Variants in CDH13 observed in about 807,000 individuals in gnomAD.
CDH13 encodes cadherin-13.
In CDH13, 24 loss-of-function variants were observed where a neutral mutation model predicts 63.8. The ratio of observed to expected loss-of-function variants is 0.38; its 90% CI spans 0.27 to 0.53. CDH13 has a LOEUF of 0.53. Among genes scored for constraint, CDH13 ranks in the 20% least tolerant of loss-of-function variants. The pLI is 0.85. For synonymous variants in CDH13, 503 were observed against 355.3 expected, an observed-to-expected ratio of 1.42 and a Z score of -4.67; for missense variants, 1,049 against 903.1, an observed-to-expected ratio of 1.16 and a Z score of -2.07.
chr16:83,110,788 G>T (rs563301272), intron 3 of CDH13, among the ~76,000 whole-genome samples: 1 of 151,936 alleles, frequency 6.6e-6, no homozygotes, highest in Non-Finnish European at 1.5e-5. Context: ...ACCAAGGTGT[G>T]ACAGTTACAA....
In CDH13 at chr16:83,008,306, C is replaced by T. The variant is rs182877973; in HGVS notation, c.158-23704C>T. On this transcript the variant is annotated intron_variant, in intron 2 of 13. Coordinates refer to ENST00000567109, the MANE Select transcript of CDH13 (RefSeq NM_001257.5). ...GGGCTGTCCAGGAAGGGGCAGATAACAAAGGTGACCTTTGAGTAGATGCCA... is the reference window on the plus strand; with the variant it reads ...GGGCTGTCCAGGAAGGGGCAGATAATAAAGGTGACCTTTGAGTAGATGCCA... Among the ~76,000 whole-genome samples the T allele has an allele frequency of 3.7e-4, 57 of 152,288 alleles. 1 individual carries two copies. The highest frequency in any genetic ancestry group is 2.3e-3 in the Admixed American group (35 of 15,290).
At chr16:82,710,580 T>C (rs1345707631) in intron 1 of CDH13, among the ~76,000 whole-genome samples, 1 of 114,890 alleles carries the variant, frequency 8.7e-6, no homozygotes, top group Non-Finnish European at 1.9e-5. Flanking sequence ...TATATATAAA[T>C]ATATTTCTAT....
intron 5 of CDH13, among the ~76,000 whole-genome samples, chr16:83,242,240 T>C (rs1443484206): frequency 6.6e-6 from 1 of 152,226 alleles, no homozygotes; most frequent in African/African-American, 2.4e-5. Flanking sequence ...CTTTGTAGTA[T>C]GTTTCTAAAA....
chr16:83,587,412 C>T (rs74035206), intron 7 of CDH13, among the ~76,000 whole-genome samples: 8,645 of 152,184 alleles, frequency 0.057, 838 homozygotes, highest in African/African-American at 0.2. Flanking sequence ...TCCACCGACC[C>T]CTCGGTGAGC....
intron 1 of CDH13, among the ~76,000 whole-genome samples, chr16:82,743,191 C>T (rs11646321): frequency 6.6e-6 from 1 of 151,992 alleles, no homozygotes; most frequent in South Asian, 2.1e-4. Flanking sequence ...CAGTTTTGAA[C>T]AACAGTGAAC....
intron 4 of CDH13, among the ~76,000 whole-genome samples, chr16:83,175,592 T>C (rs1179576714): frequency 1.3e-5 from 2 of 152,048 alleles, no homozygotes; most frequent in Non-Finnish European, 2.9e-5. Context: ...GTGTTGTCAG[T>C]CCTTAGTTTT....
intron 1 of CDH13, among the ~76,000 whole-genome samples, chr16:82,827,955 C>A (rs1013472154): frequency 6.6e-6 from 1 of 152,082 alleles, no homozygotes; most frequent in Non-Finnish European, 1.5e-5. Flanking sequence ...TCCAGTCATC[C>A]TGGTTTGCCC....
intron 1 of CDH13, among the ~76,000 whole-genome samples, chr16:82,756,636 G>A (rs529151295): frequency 3.3e-5 from 5 of 152,154 alleles, no homozygotes; most frequent in African/African-American, 1.2e-4. Flanking sequence ...GGAGTAACAG[G>A]TCAGTGAGAA....
At chr16:83,365,401 G>A (rs1164092576) in intron 6 of CDH13, among the ~76,000 whole-genome samples, 1 of 152,186 alleles carries the variant, frequency 6.6e-6, no homozygotes, top group Non-Finnish European at 1.5e-5. Flanking sequence ...AATTCAAATG[G>A]TAATCTCTTC....
chr16:83,019,495 CTTTTTTT>C (rs769273795), intron 2 of CDH13, among the ~76,000 whole-genome samples: 27 of 132,318 alleles, frequency 2.0e-4, no homozygotes, highest in African/African-American at 7.0e-4. Context: ...TTAACATTTT[CTTTTTTT>C]TTTTTTTTTT....
intron 5 of CDH13, among the ~76,000 whole-genome samples, chr16:83,233,956 C>G (rs142191832): frequency 7.7e-4 from 118 of 152,314 alleles, no homozygotes; most frequent in African/African-American, 2.6e-3. Context: ...TCACACAGTG[C>G]TAAGTGATGG....
intron 7 of CDH13, among the ~76,000 whole-genome samples, chr16:83,523,540 A>C (rs571848287): frequency 4.6e-5 from 7 of 152,020 alleles, no homozygotes; most frequent in Non-Finnish European, 8.8e-5. Context: ...TGCCCCCCAC[A>C]CCAGGACTCT....
At chr16:83,511,223 AG>A (rs1314521140) in intron 7 of CDH13, among the ~76,000 whole-genome samples, 1 of 152,240 alleles carries the variant, frequency 6.6e-6, no homozygotes, top group Non-Finnish European at 1.5e-5. Flanking sequence ...ACACTTTGGG[AG>A]GCCTACAAGG....
At chr16:83,787,740 C>G (rs2151016711) in intron 13 of CDH13, among the ~76,000 whole-genome samples, 1 of 152,278 alleles carries the variant, frequency 6.6e-6, no homozygotes, top group East Asian at 1.9e-4. Context: ...GTCAGGAGTT[C>G]AAGACCAGCC....
intron 4 of CDH13, among the ~76,000 whole-genome samples, chr16:83,165,483 G>A (rs1242017904): frequency 1.3e-5 from 2 of 152,100 alleles, no homozygotes; most frequent in African/African-American, 4.8e-5. Context: ...CAGCATTTGA[G>A]GGAGGGGACT....
intron 2 of CDH13, among the ~76,000 whole-genome samples, chr16:82,900,461 A>T (rs2041425817): frequency 6.6e-6 from 1 of 152,216 alleles, no homozygotes; most frequent in African/African-American, 2.4e-5. Context: ...AAAGGAAATA[A>T]ATTCTATCAA....
At chr16:83,384,845 C>T (rs2091641340) in intron 6 of CDH13, among the ~76,000 whole-genome samples, 1 of 152,234 alleles carries the variant, frequency 6.6e-6, no homozygotes, top group Non-Finnish European at 1.5e-5. Flanking sequence ...AAAGTCATTT[C>T]CATCTATTAT....
intron 8 of CDH13, among the ~76,000 whole-genome samples, chr16:83,643,817 C>T (rs1038852159): frequency 6.6e-6 from 1 of 152,184 alleles, no homozygotes; most frequent in Non-Finnish European, 1.5e-5. Context: ...TAATGTCAAA[C>T]ATGTCAACAG....
chr16:83,252,970 G>C (rs1170336492), intron 5 of CDH13, among the ~76,000 whole-genome samples: 3 of 152,116 alleles, frequency 2.0e-5, no homozygotes, highest in African/African-American at 7.2e-5. Context: ...CTCTTCTAAA[G>C]TGTGTCTCAT....
Sources: allele counts gnomAD v4.1 joint callset (sites outside exome capture counted in the v4.1 genomes callset), GRCh38; gene constraint gnomAD v4.1.1; transcripts MANE v1.5; gene names NCBI Gene and HGNC (gene_info 2026-07-23, HGNC 2026-07-21).